Variants in TASOR2 observed in about 807,000 individuals in gnomAD.
TASOR2 encodes transcription activation suppressor family member 2, also known as protein TASOR 2.
TASOR2 carries 84 observed loss-of-function variants against 199.5 expected under a neutral mutation model. That is an observed-to-expected ratio of 0.42 (90% confidence interval 0.35 to 0.50). The LOEUF is 0.50. Ranked by LOEUF, TASOR2 falls within the 20% of genes least tolerant of loss-of-function variation. TASOR2 has a pLI of 0.02. For missense variants in TASOR2, 2,796 were observed against 2,835.9 expected, an observed-to-expected ratio of 0.99 and a Z score of 0.32; for synonymous variants, 1,103 against 1,046.6, an observed-to-expected ratio of 1.05 and a Z score of -1.04.
At position 5,752,765 on chromosome 10, in the gene TASOR2, C is replaced by T. The variant is rs1838259894; in HGVS notation, c.6606+2738C>T. Among the ~76,000 whole-genome samples, 1 of 152,160 alleles carries T rather than the reference C, an allele frequency of 6.6e-6. No homozygotes were observed. The highest frequency in any genetic ancestry group is 2.1e-4 in the South Asian group (1 of 4,830). Reference sequence around the variant, plus strand: ...ATGGAGGTGTGTAGCTGGCAAACACCACAGGGAACAGCCTCCTTGTGCCAG... The same window carrying T: ...ATGGAGGTGTGTAGCTGGCAAACACTACAGGGAACAGCCTCCTTGTGCCAG... On this transcript the variant is annotated intron_variant, in intron 15 of 20. Coordinates refer to ENST00000328090, the Ensembl canonical transcript of TASOR2. This position sits in a 1 kb window ranked among gnomAD's most constrained non-coding sequence, Gnocchi z 4.4.
chr10:5,729,665 C>A (rs990570424), intron 10 of TASOR2, among the ~76,000 whole-genome samples: 1 of 152,144 alleles, frequency 6.6e-6, no homozygotes, highest in African/African-American at 2.4e-5. Context: ...CTTTGTGTTT[C>A]ATTCTGAAGT....
chr10:5,744,049 T>G (rs1252971700), intron 14 of TASOR2: 1 of 152,196 alleles, frequency 6.6e-6, no homozygotes, highest in Non-Finnish European at 1.5e-5. Flanking sequence ...CAGACTTTAT[T>G]TTAGAAGCAT....
At chr10:5,726,777 A>G (rs761280489) in intron 8 of TASOR2, 108 bp from the exon 10 acceptor site, 107 of 919,266 alleles carry the variant, frequency 1.2e-4, no homozygotes, top group Non-Finnish European at 1.6e-4. Context: ...TAACATTTGC[A>G]GAATTTTTTC....
intron 2 of TASOR2, among the ~76,000 whole-genome samples, chr10:5,715,491 G>T (rs778783662): frequency 6.6e-6 from 1 of 152,112 alleles, no homozygotes; most frequent in Non-Finnish European, 1.5e-5. Flanking sequence ...ATCATATATG[G>T]TATTTTTTGA....
At chr10:5,743,093 A>G (rs550920039) in intron 14 of TASOR2, among the ~76,000 whole-genome samples, 56 of 152,340 alleles carry the variant, frequency 3.7e-4, no homozygotes, top group East Asian at 9.6e-4. Context: ...AGATAATCCA[A>G]ATTTTACCTG....
intron 16 of TASOR2, 91 bp downstream of exon 17, chr10:5,756,829 G>A: frequency 7.2e-7 from 1 of 1,397,320 alleles, no homozygotes; most frequent in East Asian, 2.4e-5. Context: ...TTATGTAGAA[G>A]AGAAGCTAAC....
chr10:5,726,983 A>C (rs1018203554), intron 9 of TASOR2, 26 bp downstream of exon 10: 9 of 1,613,296 alleles, frequency 5.6e-6, no homozygotes, highest in Non-Finnish European at 7.6e-6. Context: ...TTGGGAAAAA[A>C]TATTTTTCAT....
chr10:5,748,915 C>G lies in TASOR2; in HGVS notation c.5494C>G (p.Leu1832Val). ...CTATGAACTCTCTGGAGATTCTGAT[C>G]TAGACCTGCTTGGTGATTGTAGAAA... Residue 1832 changes from leucine (L) to valine (V), a missense_variant, in exon 15 of 21, where the codon CTA (leucine) becomes GTA (valine). Transcript: ENST00000328090. The surrounding 1 kb of genome is among the most constrained non-coding windows in gnomAD (Gnocchi z 5.1). The G allele has an allele frequency of 6.2e-7, 1 of 1,614,132 alleles. No individual in the cohort carries two copies. Among genetic ancestry groups the G allele is most frequent in the Non-Finnish European group, 8.5e-7 (1 of 1,180,016 alleles).
rs1832042991 is a variant in TASOR2, at chr10:5,712,413, GAGT to G, written c.-287-409_-287-407del. 4.9e-6 allele frequency: 6 copies of G among 1,231,576 alleles called. No homozygotes were observed. The East Asian group carries it at 1.9e-4, about 39-fold the overall frequency. 76.3% of individuals were successfully genotyped at this position (1,231,576 alleles called of 1,614,324 possible). On this transcript the variant is annotated intron_variant, in intron 1 of 20. Coordinates refer to ENST00000328090, the Ensembl canonical transcript of TASOR2. ...TTACAGTTTTTGAGACAGTGTCCTT[GAGT>G]TCAGACTCTCTCTTCCAGAGGGCAG... is the stretch of plus-strand genomic sequence containing the variant.
chr10:5,720,529 T>C lies in TASOR2; in HGVS notation c.-99-15T>C, dbSNP rs543624175. On this transcript the variant is annotated splice_polypyrimidine_tract_variant and intron_variant, in intron 3 of 20. Coordinates refer to ENST00000328090, the Ensembl canonical transcript of TASOR2. This position sits in a 1 kb window ranked among gnomAD's most constrained non-coding sequence, Gnocchi z 5.3. ...CATAGTGCTACCCTGATAATACTTA[T>C]TTTTCCTCTTTCAGTATTACTTTTA... The C allele has an allele frequency of 4.4e-5, 69 of 1,571,410 alleles. No homozygotes were observed. The highest frequency in any genetic ancestry group is 3.4e-4 in the Middle Eastern group (2 of 5,946).
intron 12 of TASOR2, 76 bp from the exon 14 acceptor site, chr10:5,739,542 C>A (rs1836084640): frequency 7.3e-7 from 1 of 1,369,254 alleles, no homozygotes; most frequent in Non-Finnish European, 9.9e-7. Flanking sequence ...GTTGAATTAA[C>A]CATCATAGTA....
Position 5,720,367 on chromosome 10 carries a change from G to A in TASOR2, c.-99-177G>A, listed in dbSNP as rs185930179. On this transcript the variant is annotated intron_variant, in intron 3 of 20. Coordinates refer to ENST00000328090, the Ensembl canonical transcript of TASOR2. The surrounding 1 kb of genome is among the most constrained non-coding windows in gnomAD (Gnocchi z 5.3). Reference sequence around the variant, plus strand: ...ATACTAACAAGGTTTCTAACAAGACGAGTCATTTTCGTGCCTTTGAACTGA... The same window carrying A: ...ATACTAACAAGGTTTCTAACAAGACAAGTCATTTTCGTGCCTTTGAACTGA... The A allele has an allele frequency of 8.8e-4, 865 of 985,302 alleles. 1 individual carries two copies. Among genetic ancestry groups the A allele is most frequent in the Admixed American group, 2.9e-3 (48 of 16,280 alleles). 61.0% of individuals were successfully genotyped at this position (985,302 alleles called of 1,614,324 possible). A position where few individuals can be genotyped will look rare whatever the true frequency, so the allele number is the denominator to read the frequency against.
At chr10:5,704,861 G>T (rs1439184669) in intron 1 of TASOR2, among the ~76,000 whole-genome samples, 1 of 152,112 alleles carries the variant, frequency 6.6e-6, no homozygotes, top group Non-Finnish European at 1.5e-5. Flanking sequence ...AGGCTTTTGA[G>T]ATTAACTTTT....
exon 15 of TASOR2, chr10:5,747,305 G>A: frequency 1.2e-6 from 2 of 1,614,154 alleles, no homozygotes; most frequent in Non-Finnish European, 8.5e-7. Context: ...ACAAGTCCCA[G>A]AGAAGAAATG....
chr10:5,742,553 G>A lies in TASOR2; in HGVS notation c.2757+27G>A, dbSNP rs201562685. ...TATGTAAAGCTGAATACCGTTAAAT[G>A]TTGGCATTATTTTTGAAGAAAAAAA... is the stretch of plus-strand genomic sequence containing the variant. On this transcript the variant is annotated intron_variant, in intron 14 of 20. Transcript: ENST00000328090. This position sits in a 1 kb window ranked among gnomAD's most constrained non-coding sequence, Gnocchi z 4.2. 5 of 1,562,268 alleles carry A rather than the reference G, an allele frequency of 3.2e-6. No individual in the cohort carries two copies. In the East Asian group the frequency reaches 9.0e-5, roughly 28 times the overall value.
intron 1 of TASOR2, among the ~76,000 whole-genome samples, chr10:5,703,831 A>G (rs1838225321): frequency 6.6e-6 from 1 of 151,554 alleles, no homozygotes; most frequent in Admixed American, 6.6e-5. Flanking sequence ...ATTTTTTTGC[A>G]TGTGTTGTCA....
chr10:5,747,616 G>T lies in TASOR2; in HGVS notation c.4195G>T (p.Val1399Leu), dbSNP rs767007761. ...TCCCTTTGATTCTGTAATTGAAGAA[G>T]TATCACCAGCGTCTAGTCCTGAACC... The change falls in exon 15 of 21, where the codon GTA becomes TTA. Residue 1399 changes from valine to leucine, a missense_variant. Val to Leu is a conservative substitution (Grantham distance 32, BLOSUM62 1). Coordinates refer to ENST00000328090, the Ensembl canonical transcript of TASOR2. The T allele has an allele frequency of 6.2e-6, 10 of 1,614,174 alleles. No homozygotes were observed. The highest frequency in any genetic ancestry group is 8.5e-6 in the Non-Finnish European group (10 of 1,180,030).
At position 5,730,845 on chromosome 10, in the gene TASOR2, A is replaced by G; in HGVS notation, c.846A>G (p.Ala282=). 3 of 1,614,242 alleles carry G rather than the reference A, an allele frequency of 1.9e-6. No individual in the cohort carries two copies. Among genetic ancestry groups the G allele is most frequent in the Non-Finnish European group, 2.5e-6 (3 of 1,180,048 alleles). ...TGTCTACTGCTTTGGACTTGCTAGCAGAGCATCCTCAGTCTCCTTGTGTTT... is the reference window on the plus strand; with the variant it reads ...TGTCTACTGCTTTGGACTTGCTAGCGGAGCATCCTCAGTCTCCTTGTGTTT... Residue 282 remains alanine (A), a synonymous_variant, in exon 11 of 21, where the codon GCA becomes GCG. Transcript: ENST00000328090. This position sits in a 1 kb window ranked among gnomAD's most constrained non-coding sequence, Gnocchi z 4.1.
rs1012451613 is a variant in TASOR2 at position 5,754,912 on chromosome 10, G to T, written c.6607-1701G>T. ...CAAAAAGAAATTAGCTGGGCGTGGT[G>T]GCGGGTGCCTGTAGTCCCAGCTACT... On this transcript the variant is annotated intron_variant, in intron 15 of 20. Coordinates refer to ENST00000328090, the Ensembl canonical transcript of TASOR2. The surrounding 1 kb of genome is among the most constrained non-coding windows in gnomAD (Gnocchi z 4.3). Among the ~76,000 whole-genome samples the T allele has an allele frequency of 6.6e-6, 1 of 151,838 alleles. No homozygotes were observed. Among genetic ancestry groups the T allele is most frequent in the African/African-American group, 2.4e-5 (1 of 41,350 alleles).
Sources: allele counts gnomAD v4.1 joint callset (sites outside exome capture counted in the v4.1 genomes callset), GRCh38; gene constraint gnomAD v4.1.1; non-coding constraint Gnocchi (gnomAD v3.1); transcripts MANE v1.5; gene names NCBI Gene and HGNC (gene_info 2026-07-23, HGNC 2026-07-21).